Variants in LGR6 observed in about 807,000 individuals in gnomAD.
LGR6 encodes the protein leucine rich repeat containing G protein-coupled receptor 6.
In LGR6, 45 loss-of-function variants were observed where a neutral mutation model predicts 69.4. The ratio of observed to expected loss-of-function variants is 0.65; its 90% confidence interval spans 0.51 to 0.83. The LOEUF is 0.83. Among genes scored for constraint, LGR6 ranks in the 40% least tolerant of loss-of-function variants. LGR6 has a pLI of 0.00. For missense variants in LGR6, 1,108 were observed against 1,246.7 expected (o/e 0.89, Z 1.68); for synonymous variants, 538 against 555.0 (o/e 0.97, Z 0.43).
In LGR6 at chr1:202,307,078, C is replaced by T. The variant is rs1271373945; in HGVS notation, c.1208+139C>T. ...CCTCCCAGCTCCACAGCCCCCACCC[C>T]CAGCACACACACACACTTCTCTAGC... On this transcript the variant is annotated intron_variant, in intron 13 of 17. Transcript: ENST00000367278. 30 of 773,402 alleles carry T rather than the reference C, an allele frequency of 3.9e-5. No individual in the cohort carries two copies. The Admixed American group carries it at 6.1e-4, about 16-fold the overall frequency. 47.9% of individuals were successfully genotyped at this position (773,402 alleles called of 1,614,324 possible).
chr1:202,237,165 T>C (rs978379266), intron 4 of LGR6, among the ~76,000 whole-genome samples: 1 of 152,172 alleles, frequency 6.6e-6, no homozygotes, highest in Admixed American at 6.5e-5. Context: ...CCTGCCTCCC[T>C]GCACTCTCTC....
At chr1:202,228,309 A>C (rs1303864897) in intron 3 of LGR6, among the ~76,000 whole-genome samples, 1 of 152,240 alleles carries the variant, frequency 6.6e-6, no homozygotes, top group Non-Finnish European at 1.5e-5. Flanking sequence ...GACTGAGTTC[A>C]GTTACAGACC....
chr1:202,228,055 T>C, intron 3 of LGR6, 48 bp downstream of exon 3: 1 of 1,377,444 alleles, frequency 7.3e-7, no homozygotes, highest in Non-Finnish European at 1.0e-6. Flanking sequence ...GCACTGAGAA[T>C]GGTGAGCAAA....
intron 1 of LGR6, among the ~76,000 whole-genome samples, chr1:202,195,311 C>G (rs1464926270): frequency 6.6e-6 from 1 of 152,230 alleles, no homozygotes; most frequent in South Asian, 2.1e-4. Context: ...AGGGGCCTAG[C>G]AAGAATTTGT....
At position 202,318,951 on chromosome 1, in the gene LGR6, C is replaced by CT. The variant is rs766084412; in HGVS notation, c.2649dup (p.Glu884Ter). ...GATGTGGATCTCATTCTGGAAGCTT[C>CT]TGAAGCTGGGCGGCCCCCTGGGCTG... On this transcript the variant is annotated frameshift_variant, in exon 18 of 18. Transcript: ENST00000367278. LOFTEE classifies it low-confidence loss of function (END_TRUNC). The CT allele has an allele frequency of 1.2e-6, 2 of 1,613,744 alleles. No homozygotes were observed. Among genetic ancestry groups the CT allele is most frequent in the African/African-American group, 2.7e-5 (2 of 74,918 alleles).
intron 4 of LGR6, among the ~76,000 whole-genome samples, chr1:202,270,951 G>A (rs930305937): frequency 6.6e-6 from 1 of 152,162 alleles, no homozygotes. Context: ...GCCCTCGACA[G>A]GTTAAGCTGT....
intron 5 of LGR6, among the ~76,000 whole-genome samples, chr1:202,279,970 G>C (rs1665879278): frequency 6.6e-6 from 1 of 152,202 alleles, no homozygotes; most frequent in Non-Finnish European, 1.5e-5. Context: ...TTTTGTAGCA[G>C]AAGGCTACTG....
chr1:202,308,906 C>T lies in LGR6; in HGVS notation c.1281-145C>T, dbSNP rs1653486099. On this transcript the variant is annotated intron_variant, in intron 14 of 17. Transcript: ENST00000367278. ...TTGGCTGCCCTCCTCCCTCGGCATT[C>T]AATGCTCTCTTCTAAGCTTCTCTCC... The T allele has an allele frequency of 6.2e-6, 6 of 960,462 alleles. No individual in the cohort carries two copies. The East Asian group carries it at 1.6e-4, about 25-fold the overall frequency. The allele number at this position is 960,462 out of a possible 1,614,324, so 59.5% of individuals were successfully genotyped here.
intron 1 of LGR6, among the ~76,000 whole-genome samples, chr1:202,205,572 A>G (rs1181165237): frequency 6.8e-6 from 1 of 147,904 alleles, no homozygotes; most frequent in Non-Finnish European, 1.5e-5. Flanking sequence ...TCCTTCAAAC[A>G]TACACATACA....
intron 4 of LGR6, among the ~76,000 whole-genome samples, chr1:202,275,507 A>T (rs1400045678): frequency 6.6e-6 from 1 of 152,136 alleles, no homozygotes; most frequent in Non-Finnish European, 1.5e-5. Context: ...ATCTCTGGTT[A>T]TGCACAAGCA....
chr1:202,309,146 C>T lies in LGR6; in HGVS notation c.1376C>T (p.Ala459Val). 1 of 1,614,156 alleles carries T rather than the reference C, an allele frequency of 6.2e-7. No individual in the cohort carries two copies. Among genetic ancestry groups the T allele is most frequent in the Non-Finnish European group, 8.5e-7 (1 of 1,179,994 alleles). Residue 459 changes from alanine to valine, a missense_variant, in exon 15 of 18, where the codon GCC becomes GTC. Physicochemically the swap from Ala to Val is moderately conservative, Grantham distance 64 (BLOSUM62 0). Coordinates refer to ENST00000367278, the MANE Select transcript of LGR6 (RefSeq NM_001017403.2). ...AAAGGGAACCTTGCTCTCTCCCAGG[C>T]CTTCTCCAAGGACAGTTTCCCAAAA... The part of the protein sequence containing the change: ...KLKGNLALSQ[A>V]FSKDSFPKLR...
intron 1 of LGR6, among the ~76,000 whole-genome samples, chr1:202,200,057 C>T (rs912293365): frequency 1.3e-5 from 2 of 152,182 alleles, no homozygotes; most frequent in African/African-American, 4.8e-5. Flanking sequence ...CCCTTCCTTC[C>T]CTCCCACCCT....
intron 12 of LGR6, among the ~76,000 whole-genome samples, chr1:202,306,356 C>T (rs1653189828): frequency 6.6e-6 from 1 of 152,176 alleles, no homozygotes; most frequent in Non-Finnish European, 1.5e-5. Context: ...TGCTTCTAGG[C>T]AGGACCATGC....
At chr1:202,285,519 A>G (rs1479208383) in intron 6 of LGR6, among the ~76,000 whole-genome samples, 3 of 152,264 alleles carry the variant, frequency 2.0e-5, no homozygotes, top group South Asian at 2.1e-4. Flanking sequence ...ATAGTTTTCA[A>G]TTGAGAAGAT....
rs571640887 is a variant in LGR6 at position 202,270,423 on chromosome 1, G to A, written c.429-5883G>A. Among the ~76,000 whole-genome samples, 3 of 152,184 alleles carry A rather than the reference G, an allele frequency of 2.0e-5. No individual in the cohort carries two copies. In the East Asian group the frequency reaches 5.8e-4, roughly 30 times the overall value. ...ACGCCCGTCTAATTTTGTATTTTTA[G>A]TAGAGATGGGGTTTCCCCATGTTGG... On this transcript the variant is annotated intron_variant, in intron 4 of 17. Coordinates refer to ENST00000367278, the MANE Select transcript of LGR6 (RefSeq NM_001017403.2).
intron 4 of LGR6, among the ~76,000 whole-genome samples, chr1:202,270,503 A>C (rs1402679445): frequency 6.6e-6 from 1 of 151,844 alleles, no homozygotes; most frequent in African/African-American, 2.4e-5. Flanking sequence ...CAGCCTCCCA[A>C]AGTGCTGGGA....
intron 4 of LGR6, among the ~76,000 whole-genome samples, chr1:202,240,190 T>C (rs1419731815): frequency 6.6e-6 from 1 of 151,960 alleles, no homozygotes; most frequent in Admixed American, 6.5e-5. Context: ...CTGGCAAACA[T>C]GGCAAAACCC....
chr1:202,302,197 C>T (rs1354370318), intron 9 of LGR6, among the ~76,000 whole-genome samples: 2 of 152,118 alleles, frequency 1.3e-5, no homozygotes, highest in Middle Eastern at 3.2e-3. Flanking sequence ...CCTACTGTGG[C>T]GTCACAGTAA....
intron 16 of LGR6, among the ~76,000 whole-genome samples, chr1:202,312,452 T>C (rs1248077029): frequency 1.3e-5 from 2 of 152,164 alleles, no homozygotes; most frequent in South Asian, 4.1e-4. Flanking sequence ...GCCCTGATGG[T>C]GTCTGGGCCA....
Sources: gnomAD v4.1 joint callset for allele counts (sites outside exome capture counted in the v4.1 genomes callset) on GRCh38, gnomAD v4.1.1 for gene constraint, MANE v1.5 for transcripts, NCBI Gene and HGNC (gene_info 2026-07-23, HGNC 2026-07-21) for gene names.